The following CMIP variants were observed in gnomAD, a reference collection of about 807,000 sequenced individuals.
CMIP encodes the protein c-Maf inducing protein, also known as C-Maf-inducing protein.
A neutral mutation model predicts 97.3 loss-of-function variants in CMIP; 13 were observed. That is an observed-to-expected ratio of 0.13 (90% CI 0.09 to 0.21). CMIP has a LOEUF of 0.21. CMIP is among the 10% of genes least tolerant of loss of function. The pLI is 1.00. For synonymous variants in CMIP, 538 were observed against 436.3 expected (o/e 1.23, Z -2.91); for missense variants, 847 against 1,024.9 (o/e 0.83, Z 2.37).
intron 3 of CMIP, among the ~76,000 whole-genome samples, chr16:81,640,151 G>A (rs1192006466): frequency 6.6e-6 from 1 of 152,142 alleles, no homozygotes; most frequent in African/African-American, 2.4e-5. Flanking sequence ...TGATGATGCA[G>A]GTGCCCAGGT....
At chr16:81,695,612 C>G (rs1383756589) in intron 13 of CMIP, 1 of 152,314 alleles carries the variant, frequency 6.6e-6, no homozygotes, top group Non-Finnish European at 1.5e-5. Flanking sequence ...CTCTCATGCT[C>G]TGTCTCTCTC....
intron 1 of CMIP, among the ~76,000 whole-genome samples, chr16:81,527,179 C>G (rs2090148867): frequency 2.0e-5 from 3 of 152,190 alleles, no homozygotes; most frequent in African/African-American, 7.2e-5. Flanking sequence ...AAAGGGGGTG[C>G]TGGGTAACAA....
chr16:81,559,092 T>G (rs1035162360), intron 1 of CMIP, among the ~76,000 whole-genome samples: 1 of 152,244 alleles, frequency 6.6e-6, no homozygotes, highest in Non-Finnish European at 1.5e-5. Context: ...GACTTCCTTC[T>G]TCTGTGTGCG....
At chr16:81,656,908 G>A (rs913640611) in intron 4 of CMIP, among the ~76,000 whole-genome samples, 2 of 152,102 alleles carry the variant, frequency 1.3e-5, no homozygotes, top group Non-Finnish European at 2.9e-5. Flanking sequence ...AGGCATGGGA[G>A]CCACCATGCC....
chr16:81,562,990 A>G lies in CMIP; in HGVS notation c.301-44577A>G, dbSNP rs114193163. Among the ~76,000 whole-genome samples, 768 of 152,242 alleles carry G rather than the reference A, an allele frequency of 5.0e-3. 5 individuals carry two copies. The highest frequency in any genetic ancestry group is 0.017 in the African/African-American group (712 of 41,550). Reference sequence around the variant, plus strand: ...AGCAGAGCTTTCTGCCGAGGGTTACACAGTTTTGATTTTAGACCTCATCAT... The same window carrying G: ...AGCAGAGCTTTCTGCCGAGGGTTACGCAGTTTTGATTTTAGACCTCATCAT... On this transcript the variant is annotated intron_variant, in intron 1 of 20. Coordinates refer to ENST00000537098, the MANE Select transcript of CMIP (RefSeq NM_198390.3).
intron 1 of CMIP, among the ~76,000 whole-genome samples, chr16:81,545,689 T>C (rs1182471426): frequency 1.3e-5 from 2 of 152,210 alleles, no homozygotes; most frequent in African/African-American, 4.8e-5. Flanking sequence ...GATCTGCTTC[T>C]GTTCTAGAAT....
intron 1 of CMIP, among the ~76,000 whole-genome samples, chr16:81,523,914 T>C (rs1181744111): frequency 6.6e-6 from 1 of 152,270 alleles, no homozygotes; most frequent in African/African-American, 2.4e-5. Flanking sequence ...AGCCAGCGCC[T>C]GCACACCGGC....
chr16:81,491,698 A>G (rs910861722), intron 1 of CMIP, among the ~76,000 whole-genome samples: 3 of 152,152 alleles, frequency 2.0e-5, no homozygotes, highest in African/African-American at 7.2e-5. Context: ...CAACTCCACA[A>G]TCACGTGGAT....
intron 2 of CMIP, among the ~76,000 whole-genome samples, chr16:81,615,588 C>A (rs1370291274): frequency 1.8e-5 from 2 of 111,478 alleles, no homozygotes; most frequent in East Asian, 2.8e-4. Flanking sequence ...GTGTGTGTGT[C>A]TGTGTGTGTG....
chr16:81,538,074 C>A (rs144180821), intron 1 of CMIP, among the ~76,000 whole-genome samples: 1 of 152,250 alleles, frequency 6.6e-6, no homozygotes, highest in African/African-American at 2.4e-5. Flanking sequence ...ACCACAGTCT[C>A]GTTGCATCCC....
intron 6 of CMIP, among the ~76,000 whole-genome samples, chr16:81,662,705 G>T (rs1168644697): frequency 6.6e-6 from 1 of 152,204 alleles, no homozygotes; most frequent in South Asian, 2.1e-4. Context: ...GGCCGGGTGG[G>T]TGATACATGT....
chr16:81,505,231 A>G (rs1374151050), intron 1 of CMIP, among the ~76,000 whole-genome samples: 1 of 152,226 alleles, frequency 6.6e-6, no homozygotes, highest in Non-Finnish European at 1.5e-5. Flanking sequence ...GGCCAGCACA[A>G]GTCACGTAGC....
At chr16:81,508,305 C>G (rs966029132) in intron 1 of CMIP, among the ~76,000 whole-genome samples, 2 of 152,202 alleles carry the variant, frequency 1.3e-5, no homozygotes, top group East Asian at 3.8e-4. Context: ...CTGATCATCT[C>G]CTTTGTGGAC....
intron 1 of CMIP, among the ~76,000 whole-genome samples, chr16:81,602,228 C>A (rs1028248046): frequency 4.6e-5 from 7 of 151,788 alleles, no homozygotes; most frequent in African/African-American, 1.7e-4. Context: ...AGAGCAGGGA[C>A]ATCTATGTGC....
chr16:81,641,301 C>G (rs1444598922), intron 3 of CMIP, among the ~76,000 whole-genome samples: 3 of 152,172 alleles, frequency 2.0e-5, no homozygotes, highest in African/African-American at 7.2e-5. Context: ...GCAACAAACA[C>G]CGAGAGCACC....
intron 8 of CMIP, 69 bp downstream of exon 8, chr16:81,670,314 A>T: frequency 6.7e-7 from 1 of 1,485,418 alleles, no homozygotes; most frequent in East Asian, 2.5e-5. Context: ...GTTTACTCAG[A>T]TATCCACGGG....
chr16:81,703,820 G>C, intron 17 of CMIP, 119 bp from the exon 18 acceptor site: 3 of 1,334,686 alleles, frequency 2.2e-6, no homozygotes, highest in East Asian at 5.4e-5. Context: ...GGGATTTACC[G>C]CCCCCCAGGA....
At chr16:81,541,536 C>A (rs1014340895) in intron 1 of CMIP, among the ~76,000 whole-genome samples, 1 of 152,126 alleles carries the variant, frequency 6.6e-6, no homozygotes, top group Non-Finnish European at 1.5e-5. Context: ...GTTTACCAAA[C>A]CTGGTTACGC....
At chr16:81,567,916 A>G (rs1332024784) in intron 1 of CMIP, among the ~76,000 whole-genome samples, 1 of 151,862 alleles carries the variant, frequency 6.6e-6, no homozygotes, top group Admixed American at 6.6e-5. Flanking sequence ...AGCTTCCCCT[A>G]ATGTTTCATT....
Sources: gnomAD v4.1 joint callset for allele counts (sites outside exome capture counted in the v4.1 genomes callset) on GRCh38, gnomAD v4.1.1 for gene constraint, MANE v1.5 for transcripts, NCBI Gene and HGNC (gene_info 2026-07-23, HGNC 2026-07-21) for gene names.